KIF16B: variants seen among roughly 807,000 people sequenced by gnomAD.
KIF16B encodes the protein kinesin family member 16B.
KIF16B carries 98 observed loss-of-function variants against 156.3 expected under a neutral mutation model. The observed-to-expected ratio is 0.63, with a 90% confidence interval of 0.53 to 0.74. The LOEUF (loss-of-function observed/expected upper bound fraction) is 0.74. KIF16B is among the 30% of genes least tolerant of loss of function. The probability of loss-of-function intolerance (pLI) is 0.00; values close to 1 mark genes in which losing one functional copy is unlikely to be tolerated. For synonymous variants in KIF16B, 564 were observed against 583.7 expected, an observed-to-expected ratio of 0.97 and a Z score of 0.49; for missense variants, 1,421 against 1,606.5, an observed-to-expected ratio of 0.88 and a Z score of 1.97.
chr20:16,451,517 T>C (rs183362685), intron 12 of KIF16B, among the ~76,000 whole-genome samples: 1 of 147,692 alleles, frequency 6.8e-6, no homozygotes, highest in African/African-American at 2.5e-5. Flanking sequence ...TAAGTTGAAA[T>C]AATTACTACC....
intron 10 of KIF16B, among the ~76,000 whole-genome samples, chr20:16,501,465 T>G (rs1276880558): frequency 6.6e-6 from 1 of 151,648 alleles, no homozygotes; most frequent in Non-Finnish European, 1.5e-5. Context: ...AAACTGAACA[T>G]ATGTACTCCT....
At chr20:16,558,462 A>T (rs1050555614) in intron 1 of KIF16B, among the ~76,000 whole-genome samples, 2 of 152,220 alleles carry the variant, frequency 1.3e-5, no homozygotes, top group Non-Finnish European at 2.9e-5. Context: ...TCCGCTGGCT[A>T]AGCAGAGAAG....
At chr20:16,281,848 C>T (rs1601482244) in intron 25 of KIF16B, among the ~76,000 whole-genome samples, 1 of 152,156 alleles carries the variant, frequency 6.6e-6, no homozygotes, top group East Asian at 1.9e-4. Context: ...TCCTTGTTCC[C>T]ATGGGTGCTT....
intron 25 of KIF16B, among the ~76,000 whole-genome samples, chr20:16,287,618 T>C (rs2063243558): frequency 6.6e-6 from 1 of 152,260 alleles, no homozygotes; most frequent in Non-Finnish European, 1.5e-5. Context: ...TCCAGCAAGC[T>C]TTAAAACTTT....
At chr20:16,497,016 A>T (rs1038084774) in intron 11 of KIF16B, among the ~76,000 whole-genome samples, 14 of 144,622 alleles carry the variant, frequency 9.7e-5, no homozygotes, top group Admixed American at 3.5e-4. Flanking sequence ...ACAGAAGTTT[A>T]AAAAAAAAAA....
chr20:16,392,018 A>G (rs1307862174), intron 17 of KIF16B, among the ~76,000 whole-genome samples: 2 of 152,246 alleles, frequency 1.3e-5, no homozygotes, highest in African/African-American at 4.8e-5. Context: ...ACCGATGTCC[A>G]TCTCTTTGCC....
chr20:16,532,864 C>G (rs2069810655), intron 1 of KIF16B, among the ~76,000 whole-genome samples: 2 of 152,194 alleles, frequency 1.3e-5, no homozygotes, highest in Admixed American at 6.5e-5. Context: ...GCCCACCACT[C>G]CTGCTGGAAG....
chr20:16,471,311 C>CT (rs1243199340), intron 12 of KIF16B, among the ~76,000 whole-genome samples: 1 of 152,178 alleles, frequency 6.6e-6, no homozygotes, highest in Non-Finnish European at 1.5e-5. Context: ...CTAAAATACA[C>CT]TGTCACTCTG....
At position 16,273,103 on chromosome 20, in the gene KIF16B, G is replaced by T. The variant is rs1256974700; in HGVS notation, c.*150C>A. ...ATCCCCAAACTCAGGCACTAGGTAT[G>T]GAAACGTGAGGTGGCCCGGGCCCGC... On this transcript the variant is annotated 3_prime_UTR_variant, in exon 26 of 26. Transcript: ENST00000354981. The T allele has an allele frequency of 4.4e-6, 3 of 679,512 alleles. No homozygotes were observed. The highest frequency in any genetic ancestry group is 5.2e-6 in the Non-Finnish European group (2 of 384,014). 42.1% of individuals were successfully genotyped at this position (679,512 alleles called of 1,614,324 possible). A position where few individuals can be genotyped will look rare whatever the true frequency, so the allele number is the denominator to read the frequency against.
chr20:16,459,519 C>T (rs2067291765), intron 12 of KIF16B, among the ~76,000 whole-genome samples: 1 of 152,184 alleles, frequency 6.6e-6, no homozygotes, highest in Non-Finnish European at 1.5e-5. Flanking sequence ...TCTGAGTCAT[C>T]ATTTGGACCT....
At chr20:16,530,203 G>A (rs1026702609) in intron 1 of KIF16B, among the ~76,000 whole-genome samples, 2 of 152,156 alleles carry the variant, frequency 1.3e-5, no homozygotes, top group African/African-American at 4.8e-5. Flanking sequence ...CAGGTCACTA[G>A]GGCTGTGGCG....
At chr20:16,276,018 A>C (rs2063055804) in intron 25 of KIF16B, among the ~76,000 whole-genome samples, 1 of 152,246 alleles carries the variant, frequency 6.6e-6, no homozygotes, top group Non-Finnish European at 1.5e-5. Flanking sequence ...TTCACAGTTT[A>C]ATGCATGATA....
At chr20:16,541,599 ATAAACC>A (rs1035957355) in intron 1 of KIF16B, among the ~76,000 whole-genome samples, 34 of 152,358 alleles carry the variant, frequency 2.2e-4, no homozygotes, top group African/African-American at 7.9e-4. Context: ...GGAAACAGTA[ATAAACC>A]TAAAAAATTA....
In KIF16B at chr20:16,284,385, T is replaced by C. The variant is rs144376613; in HGVS notation, c.3796-10974A>G. 1.1e-4 allele frequency among the ~76,000 whole-genome samples: 16 copies of C among 152,358 alleles called. No individual in the cohort carries two copies. In the East Asian group the frequency reaches 3.1e-3, roughly 29 times the overall value. The stretch of plus-strand genomic sequence containing the variant: ...CTTGCAAACCCTTCTCCTTCCCCAG[T>C]AAGCCTCAACCTTTTACTTTTTTTC... On this transcript the variant is annotated intron_variant, in intron 25 of 25. Coordinates refer to ENST00000354981, the MANE Select transcript of KIF16B (RefSeq NM_024704.5).
chr20:16,325,769 A>AT (rs772593953), intron 24 of KIF16B, among the ~76,000 whole-genome samples: 41 of 151,882 alleles, frequency 2.7e-4, no homozygotes, highest in Non-Finnish European at 5.6e-4. Flanking sequence ...TACCATCATC[A>AT]TTTTTCACAG....
chr20:16,420,567 G>A (rs1468816371), intron 15 of KIF16B, among the ~76,000 whole-genome samples: 1 of 152,124 alleles, frequency 6.6e-6, no homozygotes, highest in East Asian at 1.9e-4. Flanking sequence ...GGTGGACCAG[G>A]AATCCAGTCA....
chr20:16,310,076 T>G (rs2063596853), intron 25 of KIF16B, among the ~76,000 whole-genome samples: 1 of 152,242 alleles, frequency 6.6e-6, no homozygotes, highest in African/African-American at 2.4e-5. Flanking sequence ...TGAAGGTTAC[T>G]TATACTTGCT....
intron 15 of KIF16B, among the ~76,000 whole-genome samples, chr20:16,413,024 C>T (rs999611964): frequency 2.6e-5 from 4 of 151,988 alleles, no homozygotes; most frequent in Non-Finnish European, 5.9e-5. Context: ...TCAGTTTCCT[C>T]ATCTAGTTAT....
chr20:16,312,765 T>C (rs1327500530), intron 24 of KIF16B, among the ~76,000 whole-genome samples: 3 of 127,718 alleles, frequency 2.3e-5, no homozygotes, highest in South Asian at 2.6e-4. Flanking sequence ...CTTCTTTCAG[T>C]CCTCCCACCC....
Sources: allele counts gnomAD v4.1 joint callset (sites outside exome capture counted in the v4.1 genomes callset), GRCh38; gene constraint gnomAD v4.1.1; transcripts MANE v1.5; gene names NCBI Gene and HGNC (gene_info 2026-07-23, HGNC 2026-07-21).